APBA2: variants seen among roughly 807,000 people sequenced by gnomAD.
APBA2 encodes the protein amyloid-beta A4 precursor protein-binding family A member 2.
A neutral mutation model predicts 75.0 loss-of-function variants in APBA2; 30 were observed. That is an observed-to-expected ratio of 0.40 (90% CI 0.30 to 0.54). The LOEUF (loss-of-function observed/expected upper bound fraction) is 0.54. APBA2 is among the 20% of genes least tolerant of loss of function. APBA2 has a pLI of 0.49. For synonymous variants in APBA2, 444 were observed against 409.6 expected (o/e 1.08, Z -1.01); for missense variants, 801 against 1,016.1 (o/e 0.79, Z 2.88).
chr15:29,009,552 G>T (rs2039295606), intron 3 of APBA2, among the ~76,000 whole-genome samples: 1 of 151,896 alleles, frequency 6.6e-6, no homozygotes, highest in South Asian at 2.1e-4. Context: ...TCTCCCCTAG[G>T]GTCCTCTCCC....
intron 2 of APBA2, among the ~76,000 whole-genome samples, chr15:28,980,653 A>G (rs1176128847): frequency 6.6e-6 from 1 of 152,240 alleles, no homozygotes; most frequent in Non-Finnish European, 1.5e-5. Flanking sequence ...CTTCCTATCA[A>G]ACTGCCAAGG....
intron 3 of APBA2, among the ~76,000 whole-genome samples, chr15:29,028,304 C>T (rs1432267987): frequency 6.6e-6 from 1 of 152,122 alleles, no homozygotes; most frequent in African/African-American, 2.4e-5. Context: ...CTTCCAGTTC[C>T]ATCCATGTTT....
chr15:29,101,946 A>G, intron 10 of APBA2, 162 bp downstream of exon 10: 1 of 736,764 alleles, frequency 1.4e-6, no homozygotes, highest in Non-Finnish European at 2.4e-6. Context: ...TGGGTTTGCA[A>G]AGATAGTGAA....
At chr15:29,096,235 G>A (rs1823855171) in intron 8 of APBA2, among the ~76,000 whole-genome samples, 1 of 152,182 alleles carries the variant, frequency 6.6e-6, no homozygotes, top group South Asian at 2.1e-4. Flanking sequence ...TCTGGTGTCT[G>A]TAGGATCCGT....
At chr15:29,048,392 C>T (rs1392435848) in intron 3 of APBA2, among the ~76,000 whole-genome samples, 1 of 152,170 alleles carries the variant, frequency 6.6e-6, no homozygotes, top group Non-Finnish European at 1.5e-5. Flanking sequence ...CTTAAAGTTA[C>T]TCCAGCCAAA....
intron 1 of APBA2, among the ~76,000 whole-genome samples, chr15:28,906,998 T>C (rs551502616): frequency 2.2e-4 from 34 of 152,348 alleles, no homozygotes. Context: ...AGTTTTACAT[T>C]GTTAAATCTA....
chr15:29,007,689 A>G (rs907128601), intron 3 of APBA2, among the ~76,000 whole-genome samples: 3 of 152,186 alleles, frequency 2.0e-5, no homozygotes, highest in Non-Finnish European at 2.9e-5. Flanking sequence ...CCTCATATCT[A>G]TTAGGCCGGC....
At chr15:29,017,183 G>A (rs1043736181) in intron 3 of APBA2, among the ~76,000 whole-genome samples, 1 of 152,038 alleles carries the variant, frequency 6.6e-6, no homozygotes, top group Non-Finnish European at 1.5e-5. Context: ...GCTGTGGTGG[G>A]AAGAGGGTCA....
intron 1 of APBA2, among the ~76,000 whole-genome samples, chr15:28,907,882 AG>A (rs971588310): frequency 1.3e-5 from 2 of 152,328 alleles, no homozygotes; most frequent in East Asian, 3.9e-4. Context: ...ACCAACTTAA[AG>A]GGGCCTGCCC....
intron 6 of APBA2, 65 bp from the exon 7 acceptor site, chr15:29,093,010 C>T: frequency 6.3e-7 from 1 of 1,596,206 alleles, no homozygotes; most frequent in East Asian, 2.2e-5. Flanking sequence ...TATGGCCAGG[C>T]ATGCAAGTTC....
At chr15:29,024,611 C>T (rs1403688887) in intron 3 of APBA2, among the ~76,000 whole-genome samples, 3 of 152,226 alleles carry the variant, frequency 2.0e-5, no homozygotes, top group African/African-American at 7.2e-5. Flanking sequence ...TAACTTTTCT[C>T]TCTAGCTCTT....
chr15:28,923,881 C>G (rs1343115150), intron 2 of APBA2, among the ~76,000 whole-genome samples: 1 of 152,224 alleles, frequency 6.6e-6, no homozygotes, highest in East Asian at 1.9e-4. Context: ...CACCGCCCCC[C>G]CGGGGCTCCT....
chr15:28,896,159 G>T (rs532586879), intron 1 of APBA2, among the ~76,000 whole-genome samples: 23 of 152,282 alleles, frequency 1.5e-4, no homozygotes, highest in African/African-American at 5.5e-4. Context: ...TGATGCGGGG[G>T]TTGGGGGTGG....
chr15:29,097,551 T>A (rs2043909979), intron 8 of APBA2, among the ~76,000 whole-genome samples: 1 of 152,250 alleles, frequency 6.6e-6, no homozygotes, highest in African/African-American at 2.4e-5. Flanking sequence ...CATTGACGGA[T>A]AAAATTGTAT....
intron 3 of APBA2, among the ~76,000 whole-genome samples, chr15:29,039,263 G>C (rs1462405026): frequency 6.6e-6 from 1 of 151,808 alleles, no homozygotes; most frequent in East Asian, 1.9e-4. Context: ...TATTAAAGAA[G>C]GTCGTATCTT....
At chr15:28,993,215 T>G (rs1595673770) in intron 2 of APBA2, among the ~76,000 whole-genome samples, 1 of 152,302 alleles carries the variant, frequency 6.6e-6, no homozygotes, top group African/African-American at 2.4e-5. Context: ...TTCCCGGCTC[T>G]CGTGACCTTG....
chr15:29,061,255 A>T (rs2042119311), intron 4 of APBA2, among the ~76,000 whole-genome samples: 1 of 152,168 alleles, frequency 6.6e-6, no homozygotes, highest in African/African-American at 2.4e-5. Flanking sequence ...GTCTATCAGG[A>T]GATACACTGA....
chr15:29,050,721 T>C (rs2041555199), intron 3 of APBA2, among the ~76,000 whole-genome samples: 1 of 152,250 alleles, frequency 6.6e-6, no homozygotes, highest in Non-Finnish European at 1.5e-5. Flanking sequence ...TTTTATTTAG[T>C]GTTGGTATAC....
chr15:29,103,377 C>T (rs2044227682), intron 10 of APBA2, among the ~76,000 whole-genome samples: 1 of 152,250 alleles, frequency 6.6e-6, no homozygotes, highest in Non-Finnish European at 1.5e-5. Context: ...CGCTTGAGCC[C>T]TGAGGTGGGG....
Sources: gnomAD v4.1 joint callset for allele counts (sites outside exome capture counted in the v4.1 genomes callset) on GRCh38, gnomAD v4.1.1 for gene constraint, MANE v1.5 for transcripts, NCBI Gene and HGNC (gene_info 2026-07-23, HGNC 2026-07-21) for gene names.